SMAD5: variants seen among roughly 807,000 people sequenced by gnomAD.
SMAD5 encodes MAD, mothers against decapentaplegic homolog 5.
A neutral mutation model predicts 43.1 loss-of-function variants in SMAD5; 9 were observed. The ratio of observed to expected loss-of-function variants is 0.21; its 90% CI spans 0.13 to 0.36. SMAD5 has a LOEUF of 0.36. Among genes scored for constraint, SMAD5 ranks in the 10% least tolerant of loss-of-function variants. The pLI is 1.00. For missense variants in SMAD5, 348 were observed against 574.0 expected (o/e 0.61, Z 4.02); for synonymous variants, 190 against 192.4 (o/e 0.99, Z 0.10).
At chr5:136,162,964 G>C (rs1753873415) in intron 4 of SMAD5, among the ~76,000 whole-genome samples, 1 of 152,144 alleles carries the variant, frequency 6.6e-6, no homozygotes, top group Non-Finnish European at 1.5e-5. Context: ...TAGTTTCTCT[G>C]AACACATAAA....
chr5:136,175,859 G>A (rs1420224032), intron 7 of SMAD5, among the ~76,000 whole-genome samples: 1 of 152,052 alleles, frequency 6.6e-6, no homozygotes, highest in East Asian at 1.9e-4. Context: ...ACTCCCCAAT[G>A]TTCTTCACTC....
Position 136,132,937 on chromosome 5 carries a change from G to A in SMAD5, c.-270G>A, listed in dbSNP as rs549480171. 2 of 152,416 alleles carry A rather than the reference G, an allele frequency of 1.3e-5. No homozygotes were observed. Among genetic ancestry groups the A allele is most frequent in the South Asian group, 4.1e-4 (2 of 4,834 alleles). 9.4% of individuals were successfully genotyped at this position (152,416 alleles called of 1,614,324 possible). ...GAGGAGAAGCGCAGCGACGGCGTCG[G>A]GAGAGCGCGCCTAGCCGGCTCGCGA... On this transcript the variant is annotated 5_prime_UTR_variant, in exon 1 of 8. Transcript: ENST00000545279.
chr5:136,149,083 T>C (rs943359827), intron 2 of SMAD5, among the ~76,000 whole-genome samples: 2 of 151,800 alleles, frequency 1.3e-5, no homozygotes, highest in African/African-American at 2.4e-5. Context: ...TAGTTTTGCC[T>C]GTTTTTGAAT....
At chr5:136,170,135 A>T (rs1561656715) in intron 5 of SMAD5, among the ~76,000 whole-genome samples, 1 of 152,060 alleles carries the variant, frequency 6.6e-6, no homozygotes, top group Non-Finnish European at 1.5e-5. Context: ...TTCTTCCATG[A>T]ATTGTACCTA....
At position 136,172,275 on chromosome 5, in the gene SMAD5, T is replaced by TA. The variant is rs551422553; in HGVS notation, c.776-159_776-158insA. On this transcript the variant is annotated intron_variant, in intron 5 of 7. Transcript: ENST00000545279. ...TCAAGCTGATTTCTAGTGCTTGTTT[T>TA]CGGATATAGATTCACAGCTAGGAAG... Among the ~76,000 whole-genome samples the TA allele has an allele frequency of 2.0e-3, 308 of 152,368 alleles. 4 individuals carry two copies. The highest frequency in any genetic ancestry group is 7.3e-3 in the African/African-American group (303 of 41,584).
Position 136,180,108 on chromosome 5 carries a change from A to C in SMAD5, c.*2628A>C, listed in dbSNP as rs1754573819. The C allele has an allele frequency of 1.3e-5, 2 of 152,068 alleles. No individual in the cohort carries two copies. Among genetic ancestry groups the C allele is most frequent in the African/African-American group, 2.4e-5 (1 of 41,418 alleles). The allele number at this position is 152,068 out of a possible 1,614,324, so 9.4% of individuals were successfully genotyped here. A position where few individuals can be genotyped will look rare whatever the true frequency, so the allele number is the denominator to read the frequency against. ...ATCTCCTAAAAGTTGTCAACTCCCCACCCTTGGACTTTAAATGAAAATTTT... is the reference window on the plus strand; with the variant it reads ...ATCTCCTAAAAGTTGTCAACTCCCCCCCCTTGGACTTTAAATGAAAATTTT... On this transcript the variant is annotated 3_prime_UTR_variant, in exon 8 of 8. Coordinates refer to ENST00000545279, the MANE Select transcript of SMAD5 (RefSeq NM_005903.7).
intron 3 of SMAD5, 99 bp downstream of exon 3, chr5:136,154,262 A>C (rs910339452): frequency 2.7e-6 from 2 of 751,050 alleles, no homozygotes; most frequent in Non-Finnish European, 4.0e-6. Flanking sequence ...AGGTTGTATT[A>C]GCTTTGTGTT....
At position 136,160,897 on chromosome 5, in the gene SMAD5, C is replaced by T. The variant is rs1303654815; in HGVS notation, c.445C>T (p.Pro149Ser). The T allele has an allele frequency of 1.2e-6, 2 of 1,613,870 alleles. No homozygotes were observed. The highest frequency in any genetic ancestry group is 1.1e-5 in the South Asian group (1 of 91,058). The change falls in exon 4 of 8, where the codon CCA (proline) becomes TCA (serine). Residue 149 changes from proline to serine, a missense_variant. Around this residue, in one of 5 missense-constraint regions of SMAD5, gnomAD observed 185 missense variants for 207.0 expected, o/e 0.89. Transcript: ENST00000545279. ...AGTGCCTCGTCATAATGAATTCAAT[C>T]CACAACACAGCCTTCTGGTTCAGTT... ...VLVPRHNEFN[P>S]QHSLLVQFRN...
rs993647854 is a variant in SMAD5, at chr5:136,179,869, C to G, written c.*2389C>G. The G allele has an allele frequency of 6.6e-6, 1 of 152,140 alleles. No individual in the cohort carries two copies. Among genetic ancestry groups the G allele is most frequent in the Admixed American group, 6.5e-5 (1 of 15,288 alleles). 9.4% of individuals were successfully genotyped at this position (152,140 alleles called of 1,614,324 possible). On this transcript the variant is annotated 3_prime_UTR_variant, in exon 8 of 8. Transcript: ENST00000545279. ...ATCAACTTCATTGGGCTGCAGTAAA[C>G]TAGTGGAAATTAGAGAGTTGTTTTA...
intron 2 of SMAD5, among the ~76,000 whole-genome samples, chr5:136,148,288 A>G (rs946637021): frequency 6.6e-6 from 1 of 151,214 alleles, no homozygotes; most frequent in Non-Finnish European, 1.5e-5. Flanking sequence ...ATAAAAATAT[A>G]TATACATTTT....
At position 136,180,806 on chromosome 5, in the gene SMAD5, T is replaced by A. The variant is rs755000868; in HGVS notation, c.*3326T>A. 5 of 152,106 alleles carry A rather than the reference T, an allele frequency of 3.3e-5. No homozygotes were observed. The highest frequency in any genetic ancestry group is 1.2e-4 in the African/African-American group (5 of 41,448). 9.4% of individuals were successfully genotyped at this position (152,106 alleles called of 1,614,324 possible). ...AACAAGCCACATCTAATGGCACAGA[T>A]AGAGGATGTAGCTATTTTATACCTT... is the stretch of plus-strand genomic sequence containing the variant. On this transcript the variant is annotated 3_prime_UTR_variant, in exon 8 of 8. Transcript: ENST00000545279.
chr5:136,140,023 C>CTT lies in SMAD5; in HGVS notation c.-245+7077_-245+7078dup, dbSNP rs796179216. Among the ~76,000 whole-genome samples, 589 of 134,962 alleles carry CTT rather than the reference C, an allele frequency of 4.4e-3. 9 individuals are homozygous for CTT. Among genetic ancestry groups the CTT allele is most frequent in the African/African-American group, 0.015 (534 of 36,578 alleles). The allele number at this position is 134,962 out of a possible 152,430, so 88.5% of individuals were successfully genotyped here. On this transcript the variant is annotated intron_variant, in intron 1 of 7. Coordinates refer to ENST00000545279, the MANE Select transcript of SMAD5 (RefSeq NM_005903.7). ...CCACCACGCCTGGCCCAGGATAACT[C>CTT]TTTTTTTTTTTTTTTTTGAGATGAA...
In SMAD5 at chr5:136,182,275, A is replaced by G. The variant is rs186140602; in HGVS notation, c.*4795A>G. 1.3e-5 allele frequency: 2 copies of G among 151,982 alleles called. No homozygotes were observed. Among genetic ancestry groups the G allele is most frequent in the Non-Finnish European group, 2.9e-5 (2 of 67,976 alleles). 9.4% of individuals were successfully genotyped at this position (151,982 alleles called of 1,614,324 possible). A position where few individuals can be genotyped will look rare whatever the true frequency, so the allele number is the denominator to read the frequency against. On this transcript the variant is annotated 3_prime_UTR_variant, in exon 8 of 8. Coordinates refer to ENST00000545279, the MANE Select transcript of SMAD5 (RefSeq NM_005903.7). ...TTTTAGGGTCAGATTTTCCCTTCTA[A>G]TATCATTGAAGATGATGTTGCATTG...
chr5:136,176,381 G>C (rs908729258), intron 7 of SMAD5, among the ~76,000 whole-genome samples: 2 of 148,968 alleles, frequency 1.3e-5, no homozygotes, highest in Admixed American at 1.3e-4. Context: ...TTTGAACCTG[G>C]GAGGCGGAGG....
intron 3 of SMAD5, among the ~76,000 whole-genome samples, chr5:136,156,503 G>A (rs1753641674): frequency 1.3e-5 from 2 of 152,230 alleles, no homozygotes; most frequent in South Asian, 4.1e-4. Flanking sequence ...TATGCTGTCT[G>A]TGAAAGTTCA....
chr5:136,166,190 C>T (rs1754006234), intron 5 of SMAD5, among the ~76,000 whole-genome samples: 1 of 148,984 alleles, frequency 6.7e-6, no homozygotes, highest in African/African-American at 2.5e-5. Context: ...GGATAATTGA[C>T]AAATGAAAAA....
At chr5:136,171,596 T>C (rs1263199028) in intron 5 of SMAD5, among the ~76,000 whole-genome samples, 1 of 152,210 alleles carries the variant, frequency 6.6e-6, no homozygotes, top group Non-Finnish European at 1.5e-5. Flanking sequence ...CATTTTGGAA[T>C]GGGAACGTCT....
chr5:136,174,268 C>A, intron 6 of SMAD5, 108 bp from the exon 7 acceptor site: 2 of 999,442 alleles, frequency 2.0e-6, no homozygotes, highest in Non-Finnish European at 3.0e-6. Flanking sequence ...CTAAAGACTG[C>A]TGGAAGTTTG....
intron 1 of SMAD5, among the ~76,000 whole-genome samples, chr5:136,140,561 A>T (rs183765436): frequency 2.0e-5 from 3 of 151,752 alleles, no homozygotes; most frequent in Non-Finnish European, 4.4e-5. Flanking sequence ...TGTTGCCTTT[A>T]CCTGTAATGG....
Sources: gnomAD v4.1 joint callset for allele counts (sites outside exome capture counted in the v4.1 genomes callset) on GRCh38, gnomAD v4.1.1 for gene constraint, gnomAD v4.1.1 regional missense constraint, MANE v1.5 for transcripts, NCBI Gene and HGNC (gene_info 2026-07-23, HGNC 2026-07-21) for gene names.